The following CNTD1 variants were observed in gnomAD, a reference collection of about 807,000 sequenced individuals.
CNTD1 encodes the protein cyclin N-terminal domain containing 1, also known as cyclin N-terminal domain-containing protein 1.
CNTD1 carries 17 observed loss-of-function variants against 36.3 expected under a neutral mutation model. The ratio of observed to expected loss-of-function variants is 0.47; its 90% CI spans 0.32 to 0.70. CNTD1 has a LOEUF of 0.70. Ranked by LOEUF, CNTD1 falls within the 30% of genes least tolerant of loss-of-function variation. The pLI, the probability that CNTD1 is intolerant of heterozygous loss-of-function variation, is 0.03. For missense variants in CNTD1, 338 were observed against 386.1 expected, an observed-to-expected ratio of 0.88 and a Z score of 1.04; for synonymous variants, 128 against 153.3, an observed-to-expected ratio of 0.83 and a Z score of 1.22.
At chr17:42,800,902 C>T (rs1193532892) in intron 1 of CNTD1, among the ~76,000 whole-genome samples, 1 of 152,110 alleles carries the variant, frequency 6.6e-6, no homozygotes, top group Non-Finnish European at 1.5e-5. Context: ...AACACACAGA[C>T]ACGGCCGGGC....
chr17:42,807,306 T>G (rs2144127968), intron 5 of CNTD1, among the ~76,000 whole-genome samples: 1 of 152,112 alleles, frequency 6.6e-6, no homozygotes, highest in East Asian at 1.9e-4. Flanking sequence ...TCCCAGCTAC[T>G]TGGGAGGCTG....
rs1474369422 is a variant in CNTD1, at chr17:42,805,894, T to A, written c.580+10T>A. On this transcript the variant is annotated intron_variant, in intron 4 of 6. Coordinates refer to ENST00000588408, the MANE Select transcript of CNTD1 (RefSeq NM_173478.3). ...CTCCTAGAGGTTTTAGGTATCTTAC[T>A]GTGTTAGGGAATATGGGTTGGAGAC... 4 of 1,604,306 alleles carry A rather than the reference T, an allele frequency of 2.5e-6. No individual in the cohort carries two copies. The highest frequency in any genetic ancestry group is 3.4e-6 in the Non-Finnish European group (4 of 1,175,642).
chr17:42,811,530 A>T lies in CNTD1; in HGVS notation c.*1995A>T. 1 of 1,268,006 alleles carries T rather than the reference A, an allele frequency of 7.9e-7. No homozygotes were observed. The highest frequency in any genetic ancestry group is 1.5e-5 in the South Asian group (1 of 68,756). 78.5% of individuals were successfully genotyped at this position (1,268,006 alleles called of 1,614,324 possible). On this transcript the variant is annotated 3_prime_UTR_variant, in exon 7 of 7. Coordinates refer to ENST00000588408, the MANE Select transcript of CNTD1 (RefSeq NM_173478.3). ...GGGTCAGTCTCTGCCCATCAATGTC[A>T]TGTGATTCTGTGCCATTTTTTTGCT...
In CNTD1 at chr17:42,800,090, A is replaced by AAAGG. The variant is rs58044350; in HGVS notation, c.169+854_169+855insAAGG. Among the ~76,000 whole-genome samples, 222 of 146,950 alleles carry AAAGG rather than the reference A, an allele frequency of 1.5e-3. 3 individuals are homozygous for AAAGG. Among genetic ancestry groups the AAAGG allele is most frequent in the African/African-American group, 5.6e-3 (212 of 37,784 alleles). ...TGTCTAAAAAAAAAAAAAAAAAAAA[A>AAAGG]GAGAAAAGAAAGATGAAATAGAGAT... On this transcript the variant is annotated intron_variant, in intron 1 of 6. Transcript: ENST00000588408.
chr17:42,807,470 G>T (rs2054899937), intron 5 of CNTD1, among the ~76,000 whole-genome samples: 1 of 152,056 alleles, frequency 6.6e-6, no homozygotes, highest in Admixed American at 6.6e-5. Flanking sequence ...GGACAAGAGT[G>T]TTTGATTACT....
chr17:42,800,069 TAAAAAAA>T (rs769118587), intron 1 of CNTD1, among the ~76,000 whole-genome samples: 1 of 63,968 alleles, frequency 1.6e-5, no homozygotes, highest in South Asian at 4.5e-4. Context: ...AGACTCTGTC[TAAAAAAA>T]AAAAAAAAAA....
chr17:42,805,577 T>G, intron 3 of CNTD1, 145 bp from the exon 4 acceptor site: 1 of 666,838 alleles, frequency 1.5e-6, no homozygotes, highest in Admixed American at 3.3e-5. Flanking sequence ...CAATTTGGAA[T>G]GACAAGCAGA....
intron 4 of CNTD1, among the ~76,000 whole-genome samples, chr17:42,806,311 T>G (rs979152717): frequency 2.6e-5 from 4 of 151,952 alleles, no homozygotes; most frequent in Admixed American, 2.0e-4. Context: ...TGATGGTGTC[T>G]CTGGATGACT....
rs771359074 is a variant in CNTD1, at chr17:42,799,039, C to G, written c.-29C>G. The G allele has an allele frequency of 6.2e-7, 1 of 1,610,818 alleles. No homozygotes were observed. The highest frequency in any genetic ancestry group is 8.5e-7 in the Non-Finnish European group (1 of 1,178,522). On this transcript the variant is annotated 5_prime_UTR_variant, in exon 1 of 7. Coordinates refer to ENST00000588408, the MANE Select transcript of CNTD1 (RefSeq NM_173478.3). ...GGTCGGTATGTGGATCCAGTGAACC[C>G]GTCCAGGTGCCCCAAGAGGCTCGTG...
At chr17:42,801,462 T>A (rs1193285620) in intron 1 of CNTD1, among the ~76,000 whole-genome samples, 1 of 133,774 alleles carries the variant, frequency 7.5e-6, no homozygotes, top group African/African-American at 2.8e-5. Flanking sequence ...CGCCATTGCA[T>A]TCCAGCCTGG....
intron 1 of CNTD1, among the ~76,000 whole-genome samples, chr17:42,802,204 A>ATTAT (rs754940261): frequency 5.3e-4 from 81 of 152,126 alleles, no homozygotes; most frequent in African/African-American, 1.5e-3. Flanking sequence ...CCGTCTATTT[A>ATTAT]TTATTTATTT....
Position 42,809,405 on chromosome 17 carries a change from C to A in CNTD1, c.863C>A (p.Ala288Glu). 1.2e-6 allele frequency: 2 copies of A among 1,614,082 alleles called. No individual in the cohort carries two copies. Among genetic ancestry groups the A allele is most frequent in the Non-Finnish European group, 1.7e-6 (2 of 1,179,944 alleles). The change falls in exon 7 of 7, where the codon GCA becomes GAA. Residue 288 changes from alanine to glutamate, a missense_variant. By Grantham distance (107) the Ala-to-Glu change is moderately radical. Transcript: ENST00000588408. ...CAGAGCATCACTGGTATTGCCTTGG[C>A]AAGCATTGCTGAGTTCTCTTATGCA... Reference protein sequence around the residue: ...HLQSITGIALASIAEFSYAIL... With the variant: ...HLQSITGIALESIAEFSYAIL...
chr17:42,801,513 ATATATATATATATATAT>A (rs2054789115), intron 1 of CNTD1, among the ~76,000 whole-genome samples: 1 of 54,722 alleles, frequency 1.8e-5, no homozygotes, highest in Non-Finnish European at 3.4e-5. Flanking sequence ...AAAAAAAAAT[ATATATATATATATATAT>A]ATATATATAT....
At chr17:42,801,111 G>A (rs1216319843) in intron 1 of CNTD1, among the ~76,000 whole-genome samples, 2 of 151,050 alleles carry the variant, frequency 1.3e-5, no homozygotes, top group Non-Finnish European at 3.0e-5. Flanking sequence ...CTTGAACCTG[G>A]GAGGCGGAGG....
rs1447291318 is a variant in CNTD1, at chr17:42,811,033, A to T, written c.*1498A>T. On this transcript the variant is annotated 3_prime_UTR_variant, in exon 7 of 7. Coordinates refer to ENST00000588408, the MANE Select transcript of CNTD1 (RefSeq NM_173478.3). ...CCATTCACGTCATTTTATCTATTAA[A>T]GAACACTTGGTGAGGAATGATAGTG... 1.0e-5 allele frequency: 12 copies of T among 1,201,764 alleles called. No individual in the cohort carries two copies. The highest frequency in any genetic ancestry group is 1.4e-5 in the Non-Finnish European group (12 of 883,894). The allele number at this position is 1,201,764 out of a possible 1,614,324, so 74.4% of individuals were successfully genotyped here. A position where few individuals can be genotyped will look rare whatever the true frequency, so the allele number is the denominator to read the frequency against.
At chr17:42,808,651 T>C (rs1251907637) in intron 6 of CNTD1, among the ~76,000 whole-genome samples, 3 of 151,922 alleles carry the variant, frequency 2.0e-5, no homozygotes, top group Non-Finnish European at 4.4e-5. Flanking sequence ...GGAGGATCAC[T>C]TGAGCCCAGG....
intron 1 of CNTD1, 102 bp from the exon 2 acceptor site, chr17:42,803,518 C>T: frequency 1.2e-6 from 1 of 832,140 alleles, no homozygotes; most frequent in Non-Finnish European, 2.0e-6. Context: ...CCTCCTGACC[C>T]TCTTCCCTTG....
rs1178510677 is a variant in CNTD1, at chr17:42,803,047, A to C, written c.170-573A>C. Among the ~76,000 whole-genome samples the C allele has an allele frequency of 3.3e-5, 5 of 152,208 alleles. No individual in the cohort carries two copies. The East Asian group carries it at 9.6e-4, about 29-fold the overall frequency. On this transcript the variant is annotated intron_variant, in intron 1 of 6. Transcript: ENST00000588408. ...CACACTTGCTCCTGGGGAGAGGCTC[A>C]GCCACCACAGATTTACCCAGCAAAC... is the stretch of plus-strand genomic sequence containing the variant.
In CNTD1 at chr17:42,811,229, C is replaced by T. The variant is rs1597924089; in HGVS notation, c.*1694C>T. On this transcript the variant is annotated 3_prime_UTR_variant, in exon 7 of 7. Transcript: ENST00000588408. ...TTTTCCTAGGCATCCCTGAACTTGG[C>T]GGGGGAGAAAGGAGGCAGAAGAAAA... 1.3e-5 allele frequency: 4 copies of T among 317,860 alleles called. No homozygotes were observed. Among genetic ancestry groups the T allele is most frequent in the East Asian group, 5.3e-5 (1 of 18,874 alleles). The allele number at this position is 317,860 out of a possible 1,614,324, so 19.7% of individuals were successfully genotyped here. A position where few individuals can be genotyped will look rare whatever the true frequency, so the allele number is the denominator to read the frequency against.
Sources: allele counts gnomAD v4.1 joint callset (sites outside exome capture counted in the v4.1 genomes callset), GRCh38; gene constraint gnomAD v4.1.1; transcripts MANE v1.5; gene names NCBI Gene and HGNC (gene_info 2026-07-23, HGNC 2026-07-21).